Variants in PRMT9 observed in about 807,000 individuals in gnomAD.
PRMT9 encodes the protein protein arginine N-methyltransferase 9.
PRMT9 carries 59 observed loss-of-function variants against 83.2 expected under a neutral mutation model. The ratio of observed to expected loss-of-function variants is 0.71; its 90% CI spans 0.57 to 0.88. PRMT9 has a LOEUF of 0.88. Ranked by LOEUF, PRMT9 falls within the 40% of genes least tolerant of loss-of-function variation. The pLI is 0.00. For missense variants in PRMT9, 947 were observed against 1,021.9 expected (o/e 0.93, Z 1.00); for synonymous variants, 333 against 353.2 (o/e 0.94, Z 0.64).
chr4:147,640,075 TTTTTTTTTTTTTTTTAA>T (rs1378253854), intron 10 of PRMT9, among the ~76,000 whole-genome samples: 4 of 88,230 alleles, frequency 4.5e-5, no homozygotes, highest in Non-Finnish European at 1.0e-4. Flanking sequence ...TTTTTTTTTT[TTTTTTTTTTTTTTTTAA>T]TATAGGGTCT....
At chr4:147,663,725 C>A (rs929285008) in intron 6 of PRMT9, among the ~76,000 whole-genome samples, 3 of 152,094 alleles carry the variant, frequency 2.0e-5, no homozygotes, top group Non-Finnish European at 4.4e-5. Flanking sequence ...AAACTTCAAG[C>A]CATATGGTAA....
intron 8 of PRMT9, among the ~76,000 whole-genome samples, chr4:147,657,457 G>A (rs111423928): frequency 0.027 from 4,141 of 151,728 alleles, 185 homozygotes; most frequent in African/African-American, 0.093. Flanking sequence ...CCCGGGAGGC[G>A]GAGCTTGCAG....
intron 9 of PRMT9, among the ~76,000 whole-genome samples, chr4:147,643,667 A>G (rs1023734658): frequency 2.6e-5 from 4 of 152,002 alleles, no homozygotes; most frequent in East Asian, 1.9e-4. Context: ...ATGTGTAGAT[A>G]CAACTTAAAC....
At chr4:147,674,169 C>T (rs1735924252) in intron 2 of PRMT9, among the ~76,000 whole-genome samples, 1 of 152,196 alleles carries the variant, frequency 6.6e-6, no homozygotes, top group East Asian at 1.9e-4. Flanking sequence ...ATTTAGCCAA[C>T]TCCATTCCCT....
In PRMT9 at chr4:147,638,926, TAACA is replaced by T. The variant is rs765966573; in HGVS notation, c.2322+30_2322+33del. The T allele has an allele frequency of 8.8e-6, 14 of 1,590,518 alleles. No homozygotes were observed. The African/African-American group carries it at 1.3e-4, about 15-fold the overall frequency. ...AATTTAAGATAATTATTCTAAACAA[TAACA>T]AACGAAATCATTTTGCATGTTGTCC... On this transcript the variant is annotated intron_variant, in intron 11 of 11. Coordinates refer to ENST00000322396, the MANE Select transcript of PRMT9 (RefSeq NM_138364.4).
rs1207600852 is a variant in PRMT9 at position 147,668,729 on chromosome 4, T to TA, written c.847-85dup. On this transcript the variant is annotated intron_variant, in intron 5 of 11. Coordinates refer to ENST00000322396, the MANE Select transcript of PRMT9 (RefSeq NM_138364.4). The stretch of plus-strand genomic sequence containing the variant: ...AATGATAAGCTATGAAAATATAATT[T>TA]AAAAAACCTAAAAAGACAATAAGTA... 2.0e-5 allele frequency: 16 copies of TA among 815,320 alleles called. No individual in the cohort carries two copies. The Admixed American group carries it at 2.2e-4, about 11-fold the overall frequency. The allele number at this position is 815,320 out of a possible 1,614,324, so 50.5% of individuals were successfully genotyped here. A position where few individuals can be genotyped will look rare whatever the true frequency, so the allele number is the denominator to read the frequency against.
At chr4:147,669,945 T>C (rs888053854) in intron 5 of PRMT9, among the ~76,000 whole-genome samples, 1 of 152,176 alleles carries the variant, frequency 6.6e-6, no homozygotes, top group African/African-American at 2.4e-5. Flanking sequence ...AAACCAGCTA[T>C]TACTATACTC....
chr4:147,678,092 GTGA>G (rs1736210948), intron 2 of PRMT9, among the ~76,000 whole-genome samples: 1 of 152,156 alleles, frequency 6.6e-6, no homozygotes, highest in Admixed American at 6.5e-5. Flanking sequence ...GCACAGTCTA[GTGA>G]GCCACGCAAG....
Position 147,682,422 on chromosome 4 carries a change from C to T in PRMT9, c.189+1377G>A, listed in dbSNP as rs142447030. On this transcript the variant is annotated intron_variant, in intron 1 of 11. Transcript: ENST00000322396. ...AACTACTGACCTCAGGTGATCCACC[C>T]GTCTCTGCCTCCCAAAGTGCTGGGA... is the stretch of plus-strand genomic sequence containing the variant. 5.3e-3 allele frequency among the ~76,000 whole-genome samples: 804 copies of T among 152,220 alleles called. 9 individuals carry two copies. The highest frequency in any genetic ancestry group is 0.018 in the African/African-American group (760 of 41,538).
At chr4:147,668,782 T>G in intron 5 of PRMT9, 137 bp from the exon 6 acceptor site, 1 of 655,984 alleles carries the variant, frequency 1.5e-6, no homozygotes, top group South Asian at 1.9e-5. Flanking sequence ...AGGTTTTTTT[T>G]TCTTCCTTAA....
In PRMT9 at chr4:147,639,069, A is replaced by G. The variant is rs1733205342; in HGVS notation, c.2213T>C (p.Val738Ala). The change falls in exon 11 of 12, where the codon GTA (valine) becomes GCA (alanine). Residue 738 changes from valine to alanine, a missense_variant. Coordinates refer to ENST00000322396, the MANE Select transcript of PRMT9 (RefSeq NM_138364.4). ...FINQFQVPIRVFLDLSSLPCI... is the reference protein window; with the variant it reads ...FINQFQVPIRAFLDLSSLPCI... ...GGGCAATGAGGATAGGTCCAAAAAT[A>G]CACGTATAGGTACCTAGAGAAAGTA... 6.2e-7 allele frequency: 1 copy of G among 1,613,496 alleles called. No homozygotes were observed. Among genetic ancestry groups the G allele is most frequent in the Middle Eastern group, 1.7e-4 (1 of 6,058 alleles).
At chr4:147,658,646 C>A (rs1020130532) in intron 7 of PRMT9, among the ~76,000 whole-genome samples, 1 of 152,162 alleles carries the variant, frequency 6.6e-6, no homozygotes, top group South Asian at 2.1e-4. Flanking sequence ...CAGCTACAAA[C>A]GTGTTACTTG....
intron 8 of PRMT9, among the ~76,000 whole-genome samples, chr4:147,656,771 C>CAAAAAAA (rs1023416920): frequency 2.9e-4 from 14 of 47,920 alleles, no homozygotes; most frequent in African/African-American, 5.2e-4. Context: ...GACTCTGTCT[C>CAAAAAAA]AAAAAAAAAA....
intron 9 of PRMT9, among the ~76,000 whole-genome samples, chr4:147,649,072 A>G (rs1160643348): frequency 6.6e-6 from 1 of 152,212 alleles, no homozygotes; most frequent in African/African-American, 2.4e-5. Flanking sequence ...TTGTAACTCA[A>G]AAGTCTAACA....
rs899517877 is a variant in PRMT9, at chr4:147,652,409, G to A, written c.2045+1443C>T. 8.6e-5 allele frequency among the ~76,000 whole-genome samples: 13 copies of A among 151,694 alleles called. No homozygotes were observed. The South Asian group carries it at 1.0e-3, about 12-fold the overall frequency. ...AAATCACTCAATTAGCTGAGATCAC[G>A]CCGCTGCACTCCAGCCTGGCGACAG... On this transcript the variant is annotated intron_variant, in intron 9 of 11. Coordinates refer to ENST00000322396, the MANE Select transcript of PRMT9 (RefSeq NM_138364.4).
intron 6 of PRMT9, among the ~76,000 whole-genome samples, chr4:147,668,001 A>AAAAAG (rs138806070): frequency 1.3e-5 from 2 of 150,524 alleles, no homozygotes; most frequent in African/African-American, 2.4e-5. Context: ...GCAAAAAAAA[A>AAAAAG]AATAAGACCA....
In PRMT9 at chr4:147,645,684, C is replaced by T. The variant is rs569376059; in HGVS notation, c.2046-2744G>A. On this transcript the variant is annotated intron_variant, in intron 9 of 11. Coordinates refer to ENST00000322396, the MANE Select transcript of PRMT9 (RefSeq NM_138364.4). The stretch of plus-strand genomic sequence containing the variant: ...AAGTTTGAAAATTTTCAAAATAATA[C>T]ATTTGAGGAAAAGTTAACAAGGAAA... Among the ~76,000 whole-genome samples the T allele has an allele frequency of 3.9e-5, 6 of 152,198 alleles. No individual in the cohort carries two copies. The East Asian group carries it at 1.2e-3, about 29-fold the overall frequency.
chr4:147,683,188 A>G (rs1457538332), intron 1 of PRMT9, among the ~76,000 whole-genome samples: 3 of 152,190 alleles, frequency 2.0e-5, no homozygotes, highest in African/African-American at 7.2e-5. Flanking sequence ...CCTACTACAC[A>G]CAATATAACA....
intron 9 of PRMT9, among the ~76,000 whole-genome samples, chr4:147,646,828 A>G (rs1733761639): frequency 6.6e-6 from 1 of 152,154 alleles, no homozygotes; most frequent in Non-Finnish European, 1.5e-5. Context: ...TGCCAATTGT[A>G]GGTCCTAGTA....
Sources: allele counts gnomAD v4.1 joint callset (sites outside exome capture counted in the v4.1 genomes callset), GRCh38; gene constraint gnomAD v4.1.1; transcripts MANE v1.5; gene names NCBI Gene and HGNC (gene_info 2026-07-23, HGNC 2026-07-21).